IL4R: variants seen among roughly 807,000 people sequenced by gnomAD.
The protein encoded by IL4R is interleukin 4 receptor.
IL4R carries 17 observed loss-of-function variants against 41.5 expected under a neutral mutation model. That is an observed-to-expected ratio of 0.41 (90% CI 0.28 to 0.61). The LOEUF (loss-of-function observed/expected upper bound fraction) is 0.61. Ranked by LOEUF, IL4R falls within the 20% of genes least tolerant of loss-of-function variation. The pLI, the probability that IL4R is intolerant of heterozygous loss-of-function variation, is 0.31. For missense variants in IL4R, 974 were observed against 1,043.1 expected (o/e 0.93, Z 0.91); for synonymous variants, 402 against 422.9 (o/e 0.95, Z 0.61).
intron 5 of IL4R, 148 bp from the exon 6 acceptor site, chr16:27,346,319 C>T (rs1260440000): frequency 3.1e-6 from 2 of 641,384 alleles, no homozygotes; most frequent in Non-Finnish European, 5.5e-6. Flanking sequence ...TGCTATGGCT[C>T]TGAATCTGTG....
chr16:27,363,734 C>A lies in IL4R; in HGVS notation c.2382C>A (p.Ser794=). Residue 794 remains serine (S), a synonymous_variant, in exon 11 of 11, where the codon TCC becomes TCA. Transcript: ENST00000395762. ...GISEKSKSSS[S]FHPAPGNAQS... is the part of the protein sequence containing the mutation. ...CAGAGAAGAGTAAATCCTCATCATC[C>A]TTCCATCCTGCCCCTGGCAATGCTC... The A allele has an allele frequency of 6.2e-7, 1 of 1,613,666 alleles. No individual in the cohort carries two copies.
chr16:27,345,529 A>C lies in IL4R; in HGVS notation c.361+509A>C, dbSNP rs1482657041. 1 of 237,750 alleles carries C rather than the reference A, an allele frequency of 4.2e-6. No individual in the cohort carries two copies. Among genetic ancestry groups the C allele is most frequent in the African/African-American group, 2.2e-5 (1 of 44,814 alleles). The allele number at this position is 237,750 out of a possible 1,614,324, so 14.7% of individuals were successfully genotyped here. Reference sequence around the variant, plus strand: ...TGATGCATGATATGACATGCATCACAGGAATAAAAACCTGAGGTCTCATGG... The same window carrying C: ...TGATGCATGATATGACATGCATCACCGGAATAAAAACCTGAGGTCTCATGG... On this transcript the variant is annotated intron_variant, in intron 5 of 10. Coordinates refer to ENST00000395762, the MANE Select transcript of IL4R (RefSeq NM_000418.4). The surrounding 1 kb of genome is among the most constrained non-coding windows in gnomAD (Gnocchi z 4.5).
intron 2 of IL4R, among the ~76,000 whole-genome samples, chr16:27,338,488 G>A (rs974913971): frequency 6.6e-5 from 10 of 151,602 alleles, no homozygotes; most frequent in African/African-American, 1.9e-4. Context: ...CAAAGTGCTG[G>A]GATTACAGGT....
At chr16:27,329,584 C>G (rs1482058107) in intron 1 of IL4R, among the ~76,000 whole-genome samples, 2 of 148,522 alleles carry the variant, frequency 1.3e-5, no homozygotes, top group East Asian at 4.0e-4. Context: ...GGCTGAGACA[C>G]AAGAATCGCT....
chr16:27,317,921 CCT>C (rs368617582), intron 1 of IL4R, among the ~76,000 whole-genome samples: 90 of 152,342 alleles, frequency 5.9e-4, no homozygotes, highest in Non-Finnish European at 1.1e-3. Flanking sequence ...CACCTGGCTT[CCT>C]CCTGCATTTC....
chr16:27,324,494 G>A (rs776029175), intron 1 of IL4R, among the ~76,000 whole-genome samples: 4 of 152,214 alleles, frequency 2.6e-5, no homozygotes, highest in Non-Finnish European at 5.9e-5. Flanking sequence ...GGAGATGGCT[G>A]TGAGCGGGAT....
At chr16:27,340,830 G>T (rs972238998) in intron 3 of IL4R, among the ~76,000 whole-genome samples, 1 of 152,240 alleles carries the variant, frequency 6.6e-6, no homozygotes, top group Non-Finnish European at 1.5e-5. Context: ...GTCAGGGAAG[G>T]CCTCATTGAG....
rs867018460 is a variant in IL4R at position 27,339,771 on chromosome 16, A to G, written c.-18-415A>G. ...CGGCAGAGACACAAATGGCCAGGGC[A>G]TGGCTGGGCAGCCGCAGTGGCTCAG... On this transcript the variant is annotated intron_variant, in intron 2 of 10. Transcript: ENST00000395762. Among the ~76,000 whole-genome samples the G allele has an allele frequency of 6.3e-4, 96 of 151,910 alleles. 1 individual carries two copies. Among genetic ancestry groups the G allele is most frequent in the African/African-American group, 1.8e-3 (76 of 41,396 alleles).
At position 27,359,080 on chromosome 16, in the gene IL4R, CT is replaced by C. The variant is rs1283002235; in HGVS notation, c.849+87del. On this transcript the variant is annotated intron_variant, in intron 9 of 10. Coordinates refer to ENST00000395762, the MANE Select transcript of IL4R (RefSeq NM_000418.4). ...ACACCTGGGCTGTTAAGGACCTTCA[CT>C]GGCTTCTGGAATGGCAAATAGACAG... 7 of 991,908 alleles carry C rather than the reference CT, an allele frequency of 7.1e-6. No homozygotes were observed. In the African/African-American group the frequency reaches 1.1e-4, roughly 16 times the overall value. The allele number at this position is 991,908 out of a possible 1,614,324, so 61.4% of individuals were successfully genotyped here.
At chr16:27,323,503 C>T (rs2084871217) in intron 1 of IL4R, among the ~76,000 whole-genome samples, 1 of 152,208 alleles carries the variant, frequency 6.6e-6, no homozygotes, top group Non-Finnish European at 1.5e-5. Flanking sequence ...GGGTTCAAAT[C>T]CCAGCCCACT....
chr16:27,346,740 C>T (rs1205064430), intron 6 of IL4R, 122 bp downstream of exon 6: 3 of 1,086,702 alleles, frequency 2.8e-6, no homozygotes, highest in Middle Eastern at 2.2e-4. Context: ...ATAGCAAATC[C>T]CAGGAGCTAG....
At chr16:27,341,492 C>T (rs943099769) in intron 3 of IL4R, among the ~76,000 whole-genome samples, 1 of 152,174 alleles carries the variant, frequency 6.6e-6, no homozygotes, top group Non-Finnish European at 1.5e-5. Flanking sequence ...GTCTCATGCT[C>T]AGGTGGTTTA....
chr16:27,352,567 G>C lies in IL4R; in HGVS notation c.541G>C (p.Glu181Gln). 1 of 1,614,156 alleles carries C rather than the reference G, an allele frequency of 6.2e-7. No individual in the cohort carries two copies. Among genetic ancestry groups the C allele is most frequent in the Non-Finnish European group, 8.5e-7 (1 of 1,180,028 alleles). The change falls in exon 7 of 11, where the codon GAA (glutamate) becomes CAA (glutamine). Residue 181 changes from glutamate (E) to glutamine (Q), a missense_variant. Glu to Gln is a conservative substitution (Grantham distance 29). Coordinates refer to ENST00000395762, the MANE Select transcript of IL4R (RefSeq NM_000418.4). ...DFRIYNVTYL[E>Q]PSLRIAASTL... ...CAGAATCTATAACGTGACCTACCTAGAACCCTCCCTCCGCATCGCAGCCAG... is the reference window on the plus strand; with the variant it reads ...CAGAATCTATAACGTGACCTACCTACAACCCTCCCTCCGCATCGCAGCCAG...
intron 2 of IL4R, among the ~76,000 whole-genome samples, chr16:27,333,024 G>C (rs2085157093): frequency 6.6e-6 from 1 of 151,924 alleles, no homozygotes; most frequent in African/African-American, 2.4e-5. Context: ...TGTGGCCTAA[G>C]AGCATATGTT....
At chr16:27,320,549 G>C (rs764930648) in intron 1 of IL4R, among the ~76,000 whole-genome samples, 2 of 152,156 alleles carry the variant, frequency 1.3e-5, no homozygotes, top group Non-Finnish European at 2.9e-5. Context: ...AAGTGGCAGA[G>C]TCCAGATTCA....
chr16:27,322,136 G>T (rs1194193228), intron 1 of IL4R, among the ~76,000 whole-genome samples: 1 of 146,994 alleles, frequency 6.8e-6, no homozygotes, highest in Non-Finnish European at 1.5e-5. Context: ...ACCTCCCACC[G>T]TAATACAATT....
At chr16:27,361,276 C>A (rs1282747249) in intron 10 of IL4R, among the ~76,000 whole-genome samples, 1 of 151,878 alleles carries the variant, frequency 6.6e-6, no homozygotes, top group Non-Finnish European at 1.5e-5. Flanking sequence ...GTAGCTGATA[C>A]TACAGATGTG....
At chr16:27,327,858 A>G (rs1457776105) in intron 1 of IL4R, among the ~76,000 whole-genome samples, 1 of 152,158 alleles carries the variant, frequency 6.6e-6, no homozygotes, top group African/African-American at 2.4e-5. Context: ...CAGGCACAAA[A>G]TAAGTACTGC....
chr16:27,318,891 G>A (rs550438675), intron 1 of IL4R: 1 of 152,326 alleles, frequency 6.6e-6, no homozygotes, highest in South Asian at 2.1e-4. Flanking sequence ...AAAGTTGAAC[G>A]TAACACGCGC....
Sources: allele counts gnomAD v4.1 joint callset (sites outside exome capture counted in the v4.1 genomes callset), GRCh38; gene constraint gnomAD v4.1.1; non-coding constraint Gnocchi (gnomAD v3.1); transcripts MANE v1.5; gene names NCBI Gene and HGNC (gene_info 2026-07-23, HGNC 2026-07-21).